GUCY1A1: variants seen among roughly 807,000 people sequenced by gnomAD.
The protein encoded by GUCY1A1 is guanylate cyclase soluble subunit alpha-1.
A neutral mutation model predicts 64.5 loss-of-function variants in GUCY1A1; 48 were observed. That is an observed-to-expected ratio of 0.74 (90% CI 0.59 to 0.95). The LOEUF (loss-of-function observed/expected upper bound fraction) is 0.95, where lower values mean the gene tolerates loss of function less well. Among genes scored for constraint, GUCY1A1 ranks in the 40% least tolerant of loss-of-function variants. GUCY1A1 has a pLI of 0.00. For missense variants in GUCY1A1, 804 were observed against 825.3 expected, an observed-to-expected ratio of 0.97 and a Z score of 0.32; for synonymous variants, 308 against 303.4, an observed-to-expected ratio of 1.02 and a Z score of -0.16.
At chr4:155,724,780 CG>C (rs1554003024) in intron 9 of GUCY1A1, among the ~76,000 whole-genome samples, 1 of 152,010 alleles carries the variant, frequency 6.6e-6, no homozygotes, top group Non-Finnish European at 1.5e-5. Context: ...AAAAATCTTT[CG>C]CCCATCCTGT....
intron 9 of GUCY1A1, among the ~76,000 whole-genome samples, chr4:155,726,802 A>G (rs1734745007): frequency 6.6e-6 from 1 of 151,980 alleles, no homozygotes; most frequent in African/African-American, 2.4e-5. Flanking sequence ...TCTTGAAGTA[A>G]GGAAAACTAA....
At chr4:155,697,440 C>T (rs1385076795) in intron 3 of GUCY1A1, among the ~76,000 whole-genome samples, 1 of 152,150 alleles carries the variant, frequency 6.6e-6, no homozygotes, top group East Asian at 1.9e-4. Flanking sequence ...GTAGTACCCA[C>T]CTTCTACAGT....
intron 2 of GUCY1A1, among the ~76,000 whole-genome samples, chr4:155,681,986 G>A (rs1398605356): frequency 6.6e-6 from 1 of 152,130 alleles, no homozygotes; most frequent in East Asian, 1.9e-4. Flanking sequence ...TCTGTTACCT[G>A]TTTCCATGAA....
intron 2 of GUCY1A1, among the ~76,000 whole-genome samples, chr4:155,695,125 GC>G (rs1730251136): frequency 6.6e-6 from 1 of 152,158 alleles, no homozygotes; most frequent in Non-Finnish European, 1.5e-5. Context: ...AGGTAACAGA[GC>G]CTTGGCAGCT....
At chr4:155,707,404 C>G (rs1012443265) in intron 4 of GUCY1A1, among the ~76,000 whole-genome samples, 1 of 152,228 alleles carries the variant, frequency 6.6e-6, no homozygotes, top group African/African-American at 2.4e-5. Context: ...GCAAAATCAT[C>G]TGGCAACACA....
chr4:155,713,457 G>C lies in GUCY1A1; in HGVS notation c.1446G>C (p.Met482Ile), dbSNP rs201286698. The C allele has an allele frequency of 1.9e-6, 3 of 1,614,160 alleles. No individual in the cohort carries two copies. The African/African-American group carries it at 4.0e-5, about 22-fold the overall frequency. The change falls in exon 7 of 10, where the codon ATG becomes ATC. Residue 482 changes from methionine to isoleucine, a missense_variant. Met to Ile is a conservative substitution (Grantham distance 10, BLOSUM62 1). Transcript: ENST00000506455. ...VQAKKFSNVT[M>I]LFSDIVGFTA... ...CCAAGAAGTTCAGTAATGTCACCAT[G>C]CTCTTCTCAGACATCGTTGGGTTCA...
At chr4:155,679,330 A>G (rs1443768144) in intron 2 of GUCY1A1, among the ~76,000 whole-genome samples, 1 of 152,206 alleles carries the variant, frequency 6.6e-6, no homozygotes, top group Non-Finnish European at 1.5e-5. Flanking sequence ...CTATAAAAGA[A>G]TACCCGAAGT....
intron 9 of GUCY1A1, among the ~76,000 whole-genome samples, chr4:155,726,744 G>A (rs895036408): frequency 6.6e-6 from 1 of 151,904 alleles, no homozygotes; most frequent in African/African-American, 2.4e-5. Context: ...ACATTGTCAG[G>A]AGTTTTACTT....
In GUCY1A1 at chr4:155,730,165, C is replaced by T. The variant is rs889745979; in HGVS notation, c.2007C>T (p.Cys669=). 1.2e-6 allele frequency: 2 copies of T among 1,611,640 alleles called. No homozygotes were observed. Among genetic ancestry groups the T allele is most frequent in the African/African-American group, 1.3e-5 (1 of 74,762 alleles). The change falls in exon 10 of 10, where the codon TGC becomes TGT. Residue 669 remains cysteine (C), a synonymous_variant. Coordinates refer to ENST00000506455, the MANE Select transcript of GUCY1A1 (RefSeq NM_001130682.3). ...AYQQGTNSKP[C]FQKKDVEDGN... The stretch of plus-strand genomic sequence containing the variant: ...AACAAGGAACAAACTCAAAACCATG[C>T]TTCCAAAAGAAAGATGTGGAAGATG...
rs771483894 is a variant in GUCY1A1 at position 155,722,045 on chromosome 4, T to C, written c.1724T>C (p.Ile575Thr). Residue 575 changes from isoleucine (I) to threonine (T), a missense_variant, in exon 9 of 10, where the codon ATT becomes ACT. Transcript: ENST00000506455. ...SPHGEPIKMR[I>T]GLHSGSVFAG... ...GTTATTTTTTGCTTTCAGATGCGAA[T>C]TGGACTGCACTCTGGATCAGTTTTT... The C allele has an allele frequency of 6.2e-7, 1 of 1,611,498 alleles. No individual in the cohort carries two copies. Among genetic ancestry groups the C allele is most frequent in the Admixed American group, 1.7e-5 (1 of 59,878 alleles).
At position 155,703,922 on chromosome 4, in the gene GUCY1A1, G is replaced by T. The variant is rs766576152; in HGVS notation, c.256-10G>T. 1 of 1,567,560 alleles carries T rather than the reference G, an allele frequency of 6.4e-7. No individual in the cohort carries two copies. Among genetic ancestry groups the T allele is most frequent in the Non-Finnish European group, 8.7e-7 (1 of 1,145,048 alleles). ...AGGGAATGTTTAAAACATTTCTTTTGAACTTTCAGTTTGAACGGCTGAATG... is the reference window on the plus strand; with the variant it reads ...AGGGAATGTTTAAAACATTTCTTTTTAACTTTCAGTTTGAACGGCTGAATG... On this transcript the variant is annotated splice_polypyrimidine_tract_variant and intron_variant, in intron 3 of 9. Transcript: ENST00000506455.
intron 2 of GUCY1A1, among the ~76,000 whole-genome samples, chr4:155,672,714 T>C (rs1448555088): frequency 6.6e-6 from 1 of 152,182 alleles, no homozygotes; most frequent in Non-Finnish European, 1.5e-5. Context: ...AATGTCCAGC[T>C]CTCTAAATTA....
In GUCY1A1 at chr4:155,731,380, C is replaced by G. The variant is rs1237368239; in HGVS notation, c.*1149C>G. The G allele has an allele frequency of 6.7e-6, 1 of 149,780 alleles. No homozygotes were observed. The allele number at this position is 149,780 out of a possible 1,614,324, so 9.3% of individuals were successfully genotyped here. ...TCAAGTTTTTGTCTCATTAAATATA[C>G]ATATATGAAGTGTTTTTATTCTACT... is the stretch of plus-strand genomic sequence containing the variant. On this transcript the variant is annotated 3_prime_UTR_variant, in exon 10 of 10. Coordinates refer to ENST00000506455, the MANE Select transcript of GUCY1A1 (RefSeq NM_001130682.3).
At chr4:155,699,994 A>G (rs1357347356) in intron 3 of GUCY1A1, among the ~76,000 whole-genome samples, 1 of 152,236 alleles carries the variant, frequency 6.6e-6, no homozygotes, top group Admixed American at 6.5e-5. Context: ...TTTAAGAAAT[A>G]GAGACACATA....
At chr4:155,725,799 A>G (rs1734579945) in intron 9 of GUCY1A1, among the ~76,000 whole-genome samples, 1 of 152,082 alleles carries the variant, frequency 6.6e-6, no homozygotes, top group Admixed American at 6.6e-5. Context: ...GACAATGCTC[A>G]TGACTTAAGT....
chr4:155,714,913 G>GCC (rs1733036256), intron 7 of GUCY1A1, among the ~76,000 whole-genome samples: 1 of 152,166 alleles, frequency 6.6e-6, no homozygotes, highest in Non-Finnish European at 1.5e-5. Flanking sequence ...TCTATCTTGA[G>GCC]ACGGTCTCCT....
Position 155,697,059 on chromosome 4 carries a change from C to A in GUCY1A1, c.192C>A (p.Thr64=). 2 of 1,613,256 alleles carry A rather than the reference C, an allele frequency of 1.2e-6. No homozygotes were observed. The highest frequency in any genetic ancestry group is 2.2e-5 in the East Asian group (1 of 44,880). The change falls in exon 3 of 10, where the codon ACC becomes ACA. Residue 64 remains threonine (T), a synonymous_variant. Coordinates refer to ENST00000506455, the MANE Select transcript of GUCY1A1 (RefSeq NM_001130682.3). ...NIQESLPQRK[T]SRSRVYLHTL... ...AAGAAAGTCTTCCTCAAAGAAAAAC[C>A]AGTCGGAGCCGAGTCTATCTTCACA...
At chr4:155,706,572 G>A (rs577558259) in intron 4 of GUCY1A1, among the ~76,000 whole-genome samples, 1 of 151,318 alleles carries the variant, frequency 6.6e-6, no homozygotes, top group South Asian at 2.1e-4. Flanking sequence ...ATGTCCCTCA[G>A]GATTGGTTGC....
intron 6 of GUCY1A1, 70 bp from the exon 7 acceptor site, chr4:155,713,028 C>T: frequency 1.5e-6 from 2 of 1,313,704 alleles, no homozygotes; most frequent in Non-Finnish European, 2.1e-6. Context: ...GTATCTACTT[C>T]CCCTTCTTTT....
Sources: allele counts gnomAD v4.1 joint callset (sites outside exome capture counted in the v4.1 genomes callset), GRCh38; gene constraint gnomAD v4.1.1; transcripts MANE v1.5; gene names NCBI Gene and HGNC (gene_info 2026-07-23, HGNC 2026-07-21).